Variants in MAPK13 observed in about 807,000 individuals in gnomAD.
The protein encoded by MAPK13 is mitogen-activated protein kinase 13, also known as MAP kinase 13.
Under a neutral mutation model 53.5 loss-of-function variants are expected in MAPK13, and 39 were observed. The observed-to-expected ratio is 0.73, with a 90% confidence interval of 0.56 to 0.95. The LOEUF is 0.95. MAPK13 is among the 40% of genes least tolerant of loss of function. The probability of loss-of-function intolerance (pLI) is 0.00; values close to 1 mark genes in which losing one functional copy is unlikely to be tolerated. For missense variants in MAPK13, 460 were observed against 471.8 expected, an observed-to-expected ratio of 0.98 and a Z score of 0.23; for synonymous variants, 179 against 190.9, an observed-to-expected ratio of 0.94 and a Z score of 0.51.
rs1766481309 is a variant in MAPK13, at chr6:36,139,059, A to G, written c.1018+4A>G. 6.3e-7 allele frequency: 1 copy of G among 1,578,456 alleles called. No homozygotes were observed. The highest frequency in any genetic ancestry group is 8.6e-7 in the Non-Finnish European group (1 of 1,162,524). Reference sequence around the variant, plus strand: ...CTCACAGTGGATGAATGGAAGCGTAAGAGCTGGGGCCTCGGGCTTCCTCGC... The same window carrying G: ...CTCACAGTGGATGAATGGAAGCGTAGGAGCTGGGGCCTCGGGCTTCCTCGC... On this transcript the variant is annotated splice_donor_region_variant and intron_variant, in intron 11 of 11. Transcript: ENST00000211287.
chr6:36,137,778 T>A (rs1464444994), intron 8 of MAPK13, among the ~76,000 whole-genome samples: 1 of 151,340 alleles, frequency 6.6e-6, no homozygotes, highest in Non-Finnish European at 1.5e-5. Flanking sequence ...CTGGCCAACG[T>A]GGTCAAACCC....
chr6:36,136,305 A>G lies in MAPK13; in HGVS notation c.448-179A>G, dbSNP rs147626603. Among the ~76,000 whole-genome samples, 24 of 152,250 alleles carry G rather than the reference A, an allele frequency of 1.6e-4. No individual in the cohort carries two copies. The East Asian group carries it at 4.4e-3, about 28-fold the overall frequency. On this transcript the variant is annotated intron_variant, in intron 5 of 11. Coordinates refer to ENST00000211287, the MANE Select transcript of MAPK13 (RefSeq NM_002754.5). ...GTTTCAGGCTTCAAGAATCAGGAAC[A>G]TTTTAGAGCTGGGTGGGCCCTGAGA...
rs1766307261 is a variant in MAPK13 at position 36,130,969 on chromosome 6, T to TA, written c.119+269dup. ...AGTTCATCGGGCAGATCCTCACTGTTACAGACGAGTACACCGAGGCCCCAA... is the reference window on the plus strand; with the variant it reads ...AGTTCATCGGGCAGATCCTCACTGTTAACAGACGAGTACACCGAGGCCCCAA... On this transcript the variant is annotated intron_variant, in intron 1 of 11. Transcript: ENST00000211287. This position sits in a 1 kb window ranked among gnomAD's most constrained non-coding sequence, Gnocchi z 4.5. The TA allele has an allele frequency of 1.9e-6, 1 of 523,822 alleles. No homozygotes were observed. Among genetic ancestry groups the TA allele is most frequent in the Non-Finnish European group, 3.4e-6 (1 of 294,870 alleles). The allele number at this position is 523,822 out of a possible 1,614,324, so 32.4% of individuals were successfully genotyped here.
At chr6:36,132,063 C>T (rs1235974553) in intron 2 of MAPK13, among the ~76,000 whole-genome samples, 1 of 152,224 alleles carries the variant, frequency 6.6e-6, no homozygotes, top group East Asian at 1.9e-4. Context: ...GGAGGGCAGA[C>T]ATTTCAAAGA....
rs745962868 is a variant in MAPK13, at chr6:36,138,886, C to A, written c.849C>A (p.Asp283Glu). Residue 283 changes from aspartate (D) to glutamate (E), a missense_variant, in exon 11 of 12, where the codon GAC (aspartate) becomes GAA (glutamate). Coordinates refer to ENST00000211287, the MANE Select transcript of MAPK13 (RefSeq NM_002754.5). Reference sequence around the variant, plus strand: ...TTGGCTCTGCCCCTGCAGCTGCGGACCTGCTGGAGAAGATGCTGGAGCTAG... The same window carrying A: ...TTGGCTCTGCCCCTGCAGCTGCGGAACTGCTGGAGAAGATGCTGGAGCTAG... ...LFPRASPQAA[D>E]LLEKMLELDV... The A allele has an allele frequency of 3.7e-6, 6 of 1,610,316 alleles. No homozygotes were observed. Among genetic ancestry groups the A allele is most frequent in the Non-Finnish European group, 5.1e-6 (6 of 1,178,274 alleles).
intron 5 of MAPK13, 98 bp downstream of exon 5, chr6:36,136,146 G>C: frequency 7.2e-7 from 1 of 1,388,610 alleles, no homozygotes; most frequent in Admixed American, 1.8e-5. Flanking sequence ...GGAGGGAGGG[G>C]ACACTGCCCA....
chr6:36,138,804 A>G, intron 10 of MAPK13, 24 bp downstream of exon 10: 1 of 1,613,946 alleles, frequency 6.2e-7, no homozygotes, highest in Non-Finnish European at 8.5e-7. Context: ...CCCGCTCCCC[A>G]GGGGCCTCTC....
At chr6:36,136,113 G>A in intron 5 of MAPK13, 65 bp downstream of exon 5, 1 of 1,591,254 alleles carries the variant, frequency 6.3e-7, no homozygotes, top group Non-Finnish European at 8.6e-7. Context: ...GGGGTTCTCT[G>A]GCAATCAAGG....
At chr6:36,139,161 C>G (rs949318296) in intron 11 of MAPK13, 106 bp downstream of exon 11, 1 of 1,392,216 alleles carries the variant, frequency 7.2e-7, no homozygotes, top group Non-Finnish European at 9.8e-7. Flanking sequence ...CCACCTCCTT[C>G]TTGGTGGGCA....
Position 36,138,954 on chromosome 6 carries a change from C to T in MAPK13, c.917C>T (p.Pro306Leu). ...RLTAAQALTHPFFEPFRDPEE... is the reference protein window; with the variant it reads ...RLTAAQALTHLFFEPFRDPEE... ...ACGGCCGCGCAGGCCCTCACCCATC[C>T]CTTCTTTGAACCCTTCCGGGACCCT... The change falls in exon 11 of 12, where the codon CCC becomes CTC. Residue 306 changes from proline to leucine, a missense_variant. Transcript: ENST00000211287. The T allele has an allele frequency of 6.2e-7, 1 of 1,613,980 alleles. No individual in the cohort carries two copies. Among genetic ancestry groups the T allele is most frequent in the Non-Finnish European group, 8.5e-7 (1 of 1,179,958 alleles).
chr6:36,139,646 C>T lies in MAPK13; in HGVS notation c.*273C>T, dbSNP rs192222962. ...TCCCGCCAGAGTGGGGCTGAGTGGG[C>T]GCTGAGCCAGGCCGGGGGCCTATGG... On this transcript the variant is annotated 3_prime_UTR_variant, in exon 12 of 12. Coordinates refer to ENST00000211287, the MANE Select transcript of MAPK13 (RefSeq NM_002754.5). The T allele has an allele frequency of 9.5e-4, 441 of 463,890 alleles. 1 individual carries two copies. The highest frequency in any genetic ancestry group is 7.5e-3 in the African/African-American group (376 of 50,336). The allele number at this position is 463,890 out of a possible 1,614,324, so 28.7% of individuals were successfully genotyped here.
rs1045813970 is a variant in MAPK13, at chr6:36,138,396, G to C, written c.714G>C (p.Val238=). 5 of 1,613,900 alleles carry C rather than the reference G, an allele frequency of 3.1e-6. No homozygotes were observed. The highest frequency in any genetic ancestry group is 4.2e-6 in the Non-Finnish European group (5 of 1,179,976). Residue 238 remains valine (V), a synonymous_variant, in exon 9 of 12, where the codon GTG becomes GTC. Coordinates refer to ENST00000211287, the MANE Select transcript of MAPK13 (RefSeq NM_002754.5). ...YLDQLTQILK[V]TGVPGTEFVQ... ...ACCAGCTGACCCAGATCCTGAAAGT[G>C]ACCGGGGTGCCTGGCACGGAGTTTG...
rs1766309323 is a variant in MAPK13, at chr6:36,131,040, C to T, written c.120-231C>T. ...AGTTGCAGACAGAGTGAGACTCCCG[C>T]CCTGCCGTGGATCCCGTCGCAATGA... On this transcript the variant is annotated intron_variant, in intron 1 of 11. Coordinates refer to ENST00000211287, the MANE Select transcript of MAPK13 (RefSeq NM_002754.5). The T allele has an allele frequency of 1.1e-5, 6 of 554,478 alleles. No homozygotes were observed. The South Asian group carries it at 1.4e-4, about 13-fold the overall frequency. 34.3% of individuals were successfully genotyped at this position (554,478 alleles called of 1,614,324 possible). A position where few individuals can be genotyped will look rare whatever the true frequency, so the allele number is the denominator to read the frequency against.
chr6:36,136,795 C>A, intron 7 of MAPK13, 25 bp downstream of exon 7: 1 of 1,611,990 alleles, frequency 6.2e-7, no homozygotes, highest in South Asian at 1.1e-5. Context: ...CCTGAGAGGG[C>A]GGTCCTGGGG....
chr6:36,139,091 C>G, intron 11 of MAPK13, 36 bp downstream of exon 11: 1 of 1,545,062 alleles, frequency 6.5e-7, no homozygotes, highest in African/African-American at 1.4e-5. Flanking sequence ...TCGCCTCCGC[C>G]TGCAGCCTCT....
intron 3 of MAPK13, among the ~76,000 whole-genome samples, chr6:36,135,386 C>G (rs528824443): frequency 6.6e-6 from 1 of 152,178 alleles, no homozygotes; most frequent in African/African-American, 2.4e-5. Context: ...AATATTTGGA[C>G]AGAAGCCGAA....
At chr6:36,133,050 G>A (rs1348537031) in intron 3 of MAPK13, among the ~76,000 whole-genome samples, 3 of 152,262 alleles carry the variant, frequency 2.0e-5, no homozygotes, top group Non-Finnish European at 4.4e-5. Context: ...TTTCTAGCAT[G>A]AAGCAAGGAT....
chr6:36,139,202 C>G lies in MAPK13; in HGVS notation c.1019-92C>G, dbSNP rs577310381. ...TCCTGGGTGCTTCTTTCTCCTTGAG[C>G]TGACTTCGCTCTCCATGCTGTCTCT... On this transcript the variant is annotated intron_variant, in intron 11 of 11. Transcript: ENST00000211287. The G allele has an allele frequency of 1.5e-4, 220 of 1,441,948 alleles. No individual in the cohort carries two copies. In the African/African-American group the frequency reaches 2.7e-3, roughly 18 times the overall value. 89.3% of individuals were successfully genotyped at this position (1,441,948 alleles called of 1,614,324 possible).
intron 8 of MAPK13, 72 bp from the exon 9 acceptor site, chr6:36,138,293 A>G: frequency 8.7e-7 from 1 of 1,150,782 alleles, no homozygotes; most frequent in South Asian, 1.3e-5. Context: ...GGGTGAAGTG[A>G]TGGTGGGGTC....
Sources: gnomAD v4.1 joint callset for allele counts (sites outside exome capture counted in the v4.1 genomes callset) on GRCh38, gnomAD v4.1.1 for gene constraint, Gnocchi (gnomAD v3.1) non-coding constraint, MANE v1.5 for transcripts, NCBI Gene and HGNC (gene_info 2026-07-23, HGNC 2026-07-21) for gene names.